The following CNGB1 variants were observed in gnomAD, a reference collection of about 807,000 sequenced individuals.
The protein encoded by CNGB1 is cyclic nucleotide gated channel subunit beta 1.
In CNGB1, 126 loss-of-function variants were observed where a neutral mutation model predicts 151.7. The ratio of observed to expected loss-of-function variants is 0.83; its 90% CI spans 0.72 to 0.96. The LOEUF (loss-of-function observed/expected upper bound fraction) is 0.96, where lower values mean the gene tolerates loss of function less well. Ranked by LOEUF, CNGB1 falls within the 40% of genes least tolerant of loss-of-function variation. CNGB1 has a pLI of 0.00. For synonymous variants in CNGB1, 623 were observed against 635.1 expected, an observed-to-expected ratio of 0.98 and a Z score of 0.29; for missense variants, 1,698 against 1,627.0, an observed-to-expected ratio of 1.04 and a Z score of -0.75.
chr16:57,952,317 A>G (rs1228184723), intron 12 of CNGB1, among the ~76,000 whole-genome samples: 2 of 152,126 alleles, frequency 1.3e-5, no homozygotes, highest in Non-Finnish European at 2.9e-5. Flanking sequence ...CCAGTGCACT[A>G]TCCCAGGTGA....
At chr16:57,952,653 AC>A (rs1453824634) in intron 12 of CNGB1, among the ~76,000 whole-genome samples, 1 of 151,390 alleles carries the variant, frequency 6.6e-6, no homozygotes, top group Non-Finnish European at 1.5e-5. Context: ...GGCATGCACC[AC>A]CACACCGGGT....
chr16:57,960,585 C>T, intron 8 of CNGB1, 55 bp from the exon 9 acceptor site: 1 of 1,586,728 alleles, frequency 6.3e-7, no homozygotes, highest in Non-Finnish European at 8.6e-7. Flanking sequence ...TGTGCGCTTC[C>T]CCAACCGCCA....
chr16:57,970,343 T>C (rs545980571), intron 1 of CNGB1, among the ~76,000 whole-genome samples: 1 of 152,182 alleles, frequency 6.6e-6, no homozygotes, highest in East Asian at 1.9e-4. Context: ...CCCATGATCA[T>C]ACTCATCCTC....
intron 18 of CNGB1, among the ~76,000 whole-genome samples, chr16:57,921,614 C>T (rs1020674578): frequency 6.6e-6 from 1 of 152,160 alleles, no homozygotes; most frequent in African/African-American, 2.4e-5. Flanking sequence ...TGCACACTCA[C>T]TGGGATATAG....
chr16:57,897,702 A>G, intron 30 of CNGB1, 94 bp downstream of exon 30: 1 of 1,523,488 alleles, frequency 6.6e-7, no homozygotes, highest in Non-Finnish European at 9.1e-7. Flanking sequence ...CCAGTGCTGC[A>G]TCTACCAAGC....
Position 57,940,280 on chromosome 16 carries a change from C to A in CNGB1, c.1163G>T (p.Gly388Val). ...DSCVVSQVGV[G>V]QSEEDGTRPQ... is the part of the protein sequence containing the mutation. ...CCGGGTCCCGTCTTCTTCACTCTGG[C>A]CCACGCCCACCTGCGACACCACACA... Residue 388 changes from glycine (G) to valine (V), a missense_variant, in exon 15 of 33, where the codon GGC becomes GTC. Coordinates refer to ENST00000251102, the MANE Select transcript of CNGB1 (RefSeq NM_001297.5). 6.3e-7 allele frequency: 1 copy of A among 1,582,414 alleles called. No homozygotes were observed. The highest frequency in any genetic ancestry group is 2.3e-5 in the East Asian group (1 of 43,680).
At chr16:57,937,102 G>A (rs1380217627) in intron 16 of CNGB1, 1 of 152,474 alleles carries the variant, frequency 6.6e-6, no homozygotes, top group Non-Finnish European at 1.5e-5. Context: ...CTAGTTGGCG[G>A]ATGGAGCTCC....
chr16:57,966,803 C>A (rs1962410640), intron 2 of CNGB1, among the ~76,000 whole-genome samples: 1 of 152,202 alleles, frequency 6.6e-6, no homozygotes, highest in African/African-American at 2.4e-5. Flanking sequence ...TGGAACCCAG[C>A]TATGCTCATT....
At chr16:57,891,346 CATA>C (rs1388539208) in intron 31 of CNGB1, among the ~76,000 whole-genome samples, 1 of 152,062 alleles carries the variant, frequency 6.6e-6, no homozygotes, top group Non-Finnish European at 1.5e-5. Flanking sequence ...ATTCATCAAC[CATA>C]ATACATGAAC....
chr16:57,918,446 A>C (rs1197684283), intron 20 of CNGB1, among the ~76,000 whole-genome samples: 3 of 152,212 alleles, frequency 2.0e-5, no homozygotes, highest in Non-Finnish European at 4.4e-5. Flanking sequence ...CTATGCACAT[A>C]TGAAGTGGGT....
chr16:57,964,505 C>T lies in CNGB1; in HGVS notation c.199G>A (p.Ala67Thr), dbSNP rs779465798. 10 of 1,614,044 alleles carry T rather than the reference C, an allele frequency of 6.2e-6. No homozygotes were observed. The highest frequency in any genetic ancestry group is 4.5e-5 in the East Asian group (2 of 44,894). The change falls in exon 3 of 33, where the codon GCA becomes ACA. Residue 67 changes from alanine (A) to threonine (T), a missense_variant. Ala to Thr is a moderately conservative substitution (Grantham distance 58, BLOSUM62 0). Coordinates refer to ENST00000251102, the MANE Select transcript of CNGB1 (RefSeq NM_001297.5). ...CACTCACCCTGAGGGCTTGGGTCTG[C>T]CACAGCCACTTCCTCCTCCTTGAAT... Reference protein sequence around the residue: ...ESFKEEEVAVADPSPQETKEA... With the variant: ...ESFKEEEVAVTDPSPQETKEA...
intron 1 of CNGB1, among the ~76,000 whole-genome samples, chr16:57,970,785 A>G (rs115148266): frequency 0.026 from 3,993 of 152,240 alleles, 187 homozygotes; most frequent in African/African-American, 0.089. Context: ...TCGGGGAGCC[A>G]TGGTGTTGCA....
Position 57,903,949 on chromosome 16 carries a change from T to A in CNGB1, c.2667A>T (p.Gly889=). The A allele has an allele frequency of 6.2e-7, 1 of 1,614,044 alleles. No individual in the cohort carries two copies. Among genetic ancestry groups the A allele is most frequent in the Non-Finnish European group, 8.5e-7 (1 of 1,179,998 alleles). ...MRDVVGAATA[G]QTYYRSCMDS... ...CCATGCAGCTGCGGTAGTAGGTCTG[T>A]CCGGCGGTGGCGGCCCCTACCACAT... The change falls in exon 27 of 33, where the codon GGA becomes GGT. Residue 889 remains glycine, a synonymous_variant. Coordinates refer to ENST00000251102, the MANE Select transcript of CNGB1 (RefSeq NM_001297.5).
intron 29 of CNGB1, among the ~76,000 whole-genome samples, chr16:57,899,759 A>G (rs1960336028): frequency 6.6e-6 from 1 of 152,102 alleles, no homozygotes; most frequent in Admixed American, 6.5e-5. Flanking sequence ...CACATGCATG[A>G]CCCCCTTAAC....
rs1299508894 is a variant in CNGB1 at position 57,897,848 on chromosome 16, C to T, written c.3043G>A (p.Gly1015Arg). The T allele has an allele frequency of 1.2e-6, 2 of 1,614,208 alleles. No individual in the cohort carries two copies. Among genetic ancestry groups the T allele is most frequent in the Non-Finnish European group, 1.7e-6 (2 of 1,180,034 alleles). The change falls in exon 30 of 33, where the codon GGG becomes AGG. Residue 1015 changes from glycine to arginine, a missense_variant. By Grantham distance (125) the Gly-to-Arg change is moderately radical. Coordinates refer to ENST00000251102, the MANE Select transcript of CNGB1 (RefSeq NM_001297.5). ...GQVQVLGGPDGKSVLVTLKAG... is the reference protein window; with the variant it reads ...GQVQVLGGPDRKSVLVTLKAG... ...TTCAGCGTCACCAGCACAGATTTCC[C>T]ATCAGGGCCGCCCAAGACCTGCACT... is the stretch of plus-strand genomic sequence containing the variant.
chr16:57,891,706 A>G (rs1960095706), intron 31 of CNGB1, among the ~76,000 whole-genome samples: 1 of 151,886 alleles, frequency 6.6e-6, no homozygotes. Context: ...ATAGGTGCCC[A>G]TGACCACGCC....
At chr16:57,904,700 G>A in intron 26 of CNGB1, 34 bp downstream of exon 26, 1 of 1,613,584 alleles carries the variant, frequency 6.2e-7, no homozygotes, top group Non-Finnish European at 8.5e-7. Flanking sequence ...CCTGCAGTCA[G>A]GTGGGGTGGG....
At chr16:57,905,576 T>C (rs960123157) in intron 25 of CNGB1, among the ~76,000 whole-genome samples, 9 of 152,272 alleles carry the variant, frequency 5.9e-5, no homozygotes, top group African/African-American at 2.2e-4. Context: ...CCAGTCTGAA[T>C]GTGTCCCCCG....
intron 32 of CNGB1, 141 bp from the exon 33 acceptor site, chr16:57,884,598 G>C: frequency 1.2e-6 from 1 of 852,378 alleles, no homozygotes; most frequent in Non-Finnish European, 1.9e-6. Context: ...TAGTGGGTGG[G>C]GTGGAGCCGC....
Sources: allele counts gnomAD v4.1 joint callset (sites outside exome capture counted in the v4.1 genomes callset), GRCh38; gene constraint gnomAD v4.1.1; transcripts MANE v1.5; gene names NCBI Gene and HGNC (gene_info 2026-07-23, HGNC 2026-07-21).